The following GRIK5 variants were observed in gnomAD, a reference collection of about 807,000 sequenced individuals.
GRIK5 encodes glutamate receptor ionotropic, kainate 5.
Under a neutral mutation model 97.4 loss-of-function variants are expected in GRIK5, and 43 were observed. The ratio of observed to expected loss-of-function variants is 0.44; its 90% CI spans 0.35 to 0.57. The LOEUF (loss-of-function observed/expected upper bound fraction) is 0.57. GRIK5 is among the 20% of genes least tolerant of loss of function. The pLI is 0.01. For missense variants in GRIK5, 1,015 were observed against 1,382.0 expected (o/e 0.73, Z 4.21); for synonymous variants, 580 against 583.5 (o/e 0.99, Z 0.09).
In GRIK5 at chr19:42,054,213, C is replaced by T. The variant is rs144396893; in HGVS notation, c.1056+107G>A. The T allele has an allele frequency of 6.5e-4, 785 of 1,206,882 alleles. 7 individuals are homozygous for T. In the East Asian group the frequency reaches 0.014, roughly 21 times the overall value. The allele number at this position is 1,206,882 out of a possible 1,614,324, so 74.8% of individuals were successfully genotyped here. A position where few individuals can be genotyped will look rare whatever the true frequency, so the allele number is the denominator to read the frequency against. ...GAGTGGACAGGGGAGGCAGTGGGTA[C>T]GGTGGGAAGAGCAGGGAGGGCAGAG... is the stretch of plus-strand genomic sequence containing the variant. On this transcript the variant is annotated intron_variant, in intron 9 of 19. Transcript: ENST00000593562.
At chr19:42,029,921 G>A (rs1176668968) in intron 12 of GRIK5, among the ~76,000 whole-genome samples, 3 of 152,156 alleles carry the variant, frequency 2.0e-5, no homozygotes, top group African/African-American at 4.8e-5. Flanking sequence ...CTCCTCAGCA[G>A]TCTGTCTCAG....
Position 42,003,232 on chromosome 19 carries a change from C to T in GRIK5, c.2514+100G>A. ...ATTCCTCTGCCCCCTTCTCGCGATC[C>T]CCACCACCCTCCAGGTATGGCTCCC... On this transcript the variant is annotated intron_variant, in intron 19 of 19. Transcript: ENST00000593562. The surrounding 1 kb of genome is among the most constrained non-coding windows in gnomAD (Gnocchi z 4.2). The T allele has an allele frequency of 2.7e-6, 3 of 1,126,544 alleles. No homozygotes were observed. The highest frequency in any genetic ancestry group is 3.9e-6 in the Non-Finnish European group (3 of 769,602). The allele number at this position is 1,126,544 out of a possible 1,614,324, so 69.8% of individuals were successfully genotyped here.
At chr19:42,053,209 G>A (rs1843339890) in intron 11 of GRIK5, among the ~76,000 whole-genome samples, 1 of 152,158 alleles carries the variant, frequency 6.6e-6, no homozygotes. Context: ...CCGGGTGCTT[G>A]CTGTGTGACC....
Position 42,065,184 on chromosome 19 carries a change from C to A in GRIK5, c.244+39G>T. On this transcript the variant is annotated intron_variant, in intron 3 of 19. Transcript: ENST00000593562. This position sits in a 1 kb window ranked among gnomAD's most constrained non-coding sequence, Gnocchi z 5.8. ...GAGGGATGGACTGAGGGCCACCGAC[C>A]TGCCCTGCCTCACCCCACGCCCCCA... 2 of 1,570,446 alleles carry A rather than the reference C, an allele frequency of 1.3e-6. No homozygotes were observed. Among genetic ancestry groups the A allele is most frequent in the Non-Finnish European group, 1.7e-6 (2 of 1,151,806 alleles).
chr19:42,016,655 C>A (rs1033513233), intron 15 of GRIK5, among the ~76,000 whole-genome samples: 1 of 152,170 alleles, frequency 6.6e-6, no homozygotes, highest in African/African-American at 2.4e-5. Context: ...CCAAGAGGAG[C>A]AATCCCAGGG....
chr19:42,006,795 C>A lies in GRIK5; in HGVS notation c.1887G>T (p.Leu629Phe). The A allele has an allele frequency of 6.2e-7, 1 of 1,607,780 alleles. No individual in the cohort carries two copies. Among genetic ancestry groups the A allele is most frequent in the South Asian group, 1.1e-5 (1 of 90,394 alleles). Residue 629 changes from leucine (L) to phenylalanine (F), a missense_variant, in exon 16 of 20, where the codon TTG becomes TTT. Physicochemically the swap from Leu to Phe is conservative, Grantham distance 22. Transcript: ENST00000593562. This position sits in a 1 kb window ranked among gnomAD's most constrained non-coding sequence, Gnocchi z 5.3. ...CVSGVWWAFTLIIISSYTANL... is the reference protein window; with the variant it reads ...CVSGVWWAFTFIIISSYTANL... The stretch of plus-strand genomic sequence containing the variant: ...TGGCCGTGTAGGAGGAGATGATGAT[C>A]AAGGTGAAGGCCCACCTGAAGGGTG...
chr19:42,067,757 C>T (rs184299399), intron 1 of GRIK5, among the ~76,000 whole-genome samples: 120 of 152,168 alleles, frequency 7.9e-4, no homozygotes, highest in African/African-American at 2.8e-3. Flanking sequence ...CAGCCCAAGA[C>T]GTAGGAACTG....
intron 1 of GRIK5, chr19:42,068,518 G>A (rs2076373401): frequency 7.7e-6 from 3 of 390,436 alleles, no homozygotes; most frequent in Non-Finnish European, 1.4e-5. Flanking sequence ...ACCCAGAGTG[G>A]ATCTGGGGGA....
In GRIK5 at chr19:42,022,482, G is replaced by A; in HGVS notation, c.1474-128C>T. On this transcript the variant is annotated intron_variant, in intron 12 of 19. Transcript: ENST00000593562. The surrounding 1 kb of genome is among the most constrained non-coding windows in gnomAD (Gnocchi z 4.2). ...AGAGAGAGAGAGGTAGGGAGGGGGAGGGGCCAGGAGCATGGACTGACTCCA... is the reference window on the plus strand; with the variant it reads ...AGAGAGAGAGAGGTAGGGAGGGGGAAGGGCCAGGAGCATGGACTGACTCCA... 1 of 1,476,164 alleles carries A rather than the reference G, an allele frequency of 6.8e-7. No homozygotes were observed. The highest frequency in any genetic ancestry group is 9.0e-7 in the Non-Finnish European group (1 of 1,113,442). 91.4% of individuals were successfully genotyped at this position (1,476,164 alleles called of 1,614,324 possible). A position where few individuals can be genotyped will look rare whatever the true frequency, so the allele number is the denominator to read the frequency against.
intron 11 of GRIK5, among the ~76,000 whole-genome samples, chr19:42,048,252 G>C (rs2076067741): frequency 6.6e-6 from 1 of 152,124 alleles, no homozygotes; most frequent in Non-Finnish European, 1.5e-5. Flanking sequence ...AGAATGAAAA[G>C]GTAAGCCACA....
At chr19:42,007,306 G>C (rs922561047) in intron 15 of GRIK5, among the ~76,000 whole-genome samples, 27 of 151,848 alleles carry the variant, frequency 1.8e-4, no homozygotes, top group African/African-American at 6.0e-4. Context: ...TGTTGGCCAG[G>C]CTGGTCTCGA....
intron 5 of GRIK5, among the ~76,000 whole-genome samples, chr19:42,060,368 C>T (rs751460305): frequency 5.7e-4 from 86 of 152,036 alleles, no homozygotes; most frequent in African/African-American, 2.0e-3. Context: ...CAACAAACAC[C>T]GCAAATAAAT....
chr19:42,042,708 C>G lies in GRIK5; in HGVS notation c.1317G>C (p.Gly439=), dbSNP rs377361506. 6.2e-7 allele frequency: 1 copy of G among 1,613,652 alleles called. No individual in the cohort carries two copies. Among genetic ancestry groups the G allele is most frequent in the South Asian group, 1.1e-5 (1 of 91,076 alleles). Residue 439 remains glycine (G), a synonymous_variant, in exon 12 of 20, where the codon GGG becomes GGC. Transcript: ENST00000593562. The surrounding 1 kb of genome is among the most constrained non-coding windows in gnomAD (Gnocchi z 6.9). The part of the protein sequence containing the change: ...MRRPNFQALS[G]NERFEGFCVD... ...CGCAGAAGCCCTCGAAGCGTTCGTT[C>G]CCCGACAGGGCCTGGAAGTTGGGCC...
intron 12 of GRIK5, among the ~76,000 whole-genome samples, chr19:42,031,714 G>A (rs2075843242): frequency 2.6e-5 from 4 of 152,152 alleles, no homozygotes; most frequent in African/African-American, 4.8e-5. Context: ...TAGTCTTTCT[G>A]GAAAATAATT....
chr19:42,023,108 G>A (rs2075723002), intron 12 of GRIK5, among the ~76,000 whole-genome samples: 1 of 152,052 alleles, frequency 6.6e-6, no homozygotes. Context: ...CGGTCAAAGA[G>A]AGAGCAGACA....
Position 42,002,404 on chromosome 19 carries a change from C to T in GRIK5, c.2514+928G>A, listed in dbSNP as rs1555871172. On this transcript the variant is annotated intron_variant, in intron 19 of 19. Transcript: ENST00000593562. The surrounding 1 kb of genome is among the most constrained non-coding windows in gnomAD (Gnocchi z 5.2). Reference sequence around the variant, plus strand: ...CAACTGATGCTGCAGGAGGAAAGGACAGACTTGCCGGAGGGATGTCCTTGA... The same window carrying T: ...CAACTGATGCTGCAGGAGGAAAGGATAGACTTGCCGGAGGGATGTCCTTGA... 1.4e-6 allele frequency: 1 copy of T among 717,634 alleles called. No individual in the cohort carries two copies. Among genetic ancestry groups the T allele is most frequent in the South Asian group, 1.5e-5 (1 of 67,598 alleles). The allele number at this position is 717,634 out of a possible 1,614,324, so 44.5% of individuals were successfully genotyped here.
At chr19:42,043,399 A>ATTTTTTTTTTTTTTTTTTTTTTTTT (rs984583211) in intron 11 of GRIK5, among the ~76,000 whole-genome samples, 1 of 121,316 alleles carries the variant, frequency 8.2e-6, no homozygotes. Flanking sequence ...AGATGGTGCA[A>ATTTTTTTTTTTTTTTTTTTTTTTTT]TTTTTTTTTT....
At chr19:42,004,995 G>A (rs1470383011) in intron 17 of GRIK5, among the ~76,000 whole-genome samples, 3 of 152,184 alleles carry the variant, frequency 2.0e-5, no homozygotes, top group East Asian at 3.9e-4. Context: ...CCCTGGCACC[G>A]ACTCACCTAC....
At chr19:42,051,729 T>C (rs1436739444) in intron 11 of GRIK5, among the ~76,000 whole-genome samples, 1 of 152,204 alleles carries the variant, frequency 6.6e-6, no homozygotes, top group Non-Finnish European at 1.5e-5. Context: ...CAGAAACCCA[T>C]GTCAGGCAAT....
Sources: gnomAD v4.1 joint callset for allele counts (sites outside exome capture counted in the v4.1 genomes callset) on GRCh38, gnomAD v4.1.1 for gene constraint, Gnocchi (gnomAD v3.1) non-coding constraint, MANE v1.5 for transcripts, NCBI Gene and HGNC (gene_info 2026-07-23, HGNC 2026-07-21) for gene names.